Variants in ADGRB1 observed in about 807,000 individuals in gnomAD.
The protein encoded by ADGRB1 is adhesion G protein-coupled receptor B1, also known as brain-specific angiogenesis inhibitor 1.
ADGRB1 carries 36 observed loss-of-function variants against 175.7 expected under a neutral mutation model. The ratio of observed to expected loss-of-function variants is 0.20; its 90% CI spans 0.16 to 0.27. The LOEUF is 0.27. Ranked by LOEUF, ADGRB1 falls within the 10% of genes least tolerant of loss-of-function variation. The pLI, the probability that ADGRB1 is intolerant of heterozygous loss-of-function variation, is 1.00. For missense variants in ADGRB1, 1,731 were observed against 2,255.3 expected (o/e 0.77, Z 4.71); for synonymous variants, 1,054 against 979.4 (o/e 1.08, Z -1.42).
At chr8:142,459,458 G>A (rs997201105) in intron 1 of ADGRB1, among the ~76,000 whole-genome samples, 1 of 152,166 alleles carries the variant, frequency 6.6e-6, no homozygotes, top group Non-Finnish European at 1.5e-5. Flanking sequence ...TGTTGGCTCA[G>A]GCCTGGACCC....
intron 24 of ADGRB1, among the ~76,000 whole-genome samples, chr8:142,531,404 G>A (rs1395559747): frequency 1.3e-5 from 2 of 152,208 alleles, no homozygotes; most frequent in Non-Finnish European, 2.9e-5. Flanking sequence ...GGAGCAGCAC[G>A]GTCATGGGCA....
chr8:142,512,314 A>C (rs561504374), intron 18 of ADGRB1, among the ~76,000 whole-genome samples: 1 of 152,328 alleles, frequency 6.6e-6, no homozygotes, highest in African/African-American at 2.4e-5. Flanking sequence ...GGCAGGCAGC[A>C]GTCTGAAGGG....
Position 142,475,636 on chromosome 8 carries a change from G to C in ADGRB1, c.946+1G>C, listed in dbSNP as rs965684323. 4.9e-6 allele frequency: 6 copies of C among 1,229,056 alleles called. No individual in the cohort carries two copies. Among genetic ancestry groups the C allele is most frequent in the Non-Finnish European group, 6.1e-6 (6 of 986,070 alleles). The allele number at this position is 1,229,056 out of a possible 1,614,324, so 76.1% of individuals were successfully genotyped here. On this transcript the variant is annotated splice_donor_variant, in intron 3 of 30. Transcript: ENST00000517894. LOFTEE classifies it high-confidence loss of function. Reference sequence around the variant, plus strand: ...CAGTGCAACCGCGAGGCCTGCGGCCGTGAGTGCGGGCGGGGCGGGGCGGAG... The same window carrying C: ...CAGTGCAACCGCGAGGCCTGCGGCCCTGAGTGCGGGCGGGGCGGGGCGGAG...
chr8:142,504,232 T>C lies in ADGRB1; in HGVS notation c.2676-6700T>C, dbSNP rs1017337462. Among the ~76,000 whole-genome samples the C allele has an allele frequency of 2.0e-5, 3 of 151,804 alleles. No individual in the cohort carries two copies. Among genetic ancestry groups the C allele is most frequent in the Non-Finnish European group, 4.4e-5 (3 of 67,916 alleles). ...CTGGCAGCCAGACAGGGGCTGGGCA[T>C]GGAGTGGGAGTCAAGGAGGCTTCTT... On this transcript the variant is annotated intron_variant, in intron 17 of 30. Coordinates refer to ENST00000517894, the MANE Select transcript of ADGRB1 (RefSeq NM_001702.3). The surrounding 1 kb of genome is among the most constrained non-coding windows in gnomAD (Gnocchi z 5.6).
At chr8:142,544,108 C>CTGT in intron 30 of ADGRB1, 112 bp from the exon 31 acceptor site, 1 of 1,181,330 alleles carries the variant, frequency 8.5e-7, no homozygotes, top group African/African-American at 1.5e-5. Context: ...CCCCTGTCCC[C>CTGT]CACCTCCCGT....
rs774861032 is a variant in ADGRB1, at chr8:142,489,447, C to T, written c.2631+9C>T. 7 of 1,610,310 alleles carry T rather than the reference C, an allele frequency of 4.3e-6. No homozygotes were observed. Among genetic ancestry groups the T allele is most frequent in the East Asian group, 4.5e-5 (2 of 44,866 alleles). ...TTGCCCACATGTATAATGTGAGTGC[C>T]GTCCACGTGCACACTCTGATGCCAG... On this transcript the variant is annotated intron_variant, in intron 16 of 30. Coordinates refer to ENST00000517894, the MANE Select transcript of ADGRB1 (RefSeq NM_001702.3).
chr8:142,512,429 G>T (rs1231112539), intron 18 of ADGRB1, among the ~76,000 whole-genome samples: 1 of 152,202 alleles, frequency 6.6e-6, no homozygotes, highest in African/African-American at 2.4e-5. Flanking sequence ...GCTGGACCAG[G>T]CAAGGCAGGG....
chr8:142,479,306 C>A lies in ADGRB1; in HGVS notation c.1562-17C>A. The A allele has an allele frequency of 6.8e-7, 1 of 1,476,178 alleles. No homozygotes were observed. Among genetic ancestry groups the A allele is most frequent in the South Asian group, 1.4e-5 (1 of 69,644 alleles). The allele number at this position is 1,476,178 out of a possible 1,614,324, so 91.4% of individuals were successfully genotyped here. ...CCTTCTTGTCGCCTGTGCCCTGTGTCTGGCCACGCCCCGCAGTGGATGGCA... is the reference window on the plus strand; with the variant it reads ...CCTTCTTGTCGCCTGTGCCCTGTGTATGGCCACGCCCCGCAGTGGATGGCA... On this transcript the variant is annotated splice_polypyrimidine_tract_variant and intron_variant, in intron 7 of 30. Coordinates refer to ENST00000517894, the MANE Select transcript of ADGRB1 (RefSeq NM_001702.3).
At position 142,526,522 on chromosome 8, in the gene ADGRB1, C is replaced by CCCCCCCCA; in HGVS notation, c.3313-20_3313-19insCCCCCCCA. On this transcript the variant is annotated intron_variant, in intron 23 of 30. Coordinates refer to ENST00000517894, the MANE Select transcript of ADGRB1 (RefSeq NM_001702.3). ...ACGGCGGCCCCCACCCCCACACCCC[C>CCCCCCCCA]ACCACTCTCTGCCCGGCAGGTGAAC... 1.3e-6 allele frequency: 2 copies of CCCCCCCCA among 1,543,516 alleles called. No individual in the cohort carries two copies. The highest frequency in any genetic ancestry group is 8.8e-7 in the Non-Finnish European group (1 of 1,133,008).
Position 142,524,158 on chromosome 8 carries a change from C to T in ADGRB1, c.3246-80C>T, listed in dbSNP as rs1016993566. 5 of 1,471,460 alleles carry T rather than the reference C, an allele frequency of 3.4e-6. No homozygotes were observed. In the African/African-American group the frequency reaches 5.6e-5, roughly 16 times the overall value. 91.2% of individuals were successfully genotyped at this position (1,471,460 alleles called of 1,614,324 possible). On this transcript the variant is annotated intron_variant, in intron 22 of 30. Coordinates refer to ENST00000517894, the MANE Select transcript of ADGRB1 (RefSeq NM_001702.3). Reference sequence around the variant, plus strand: ...TTCTTCTGCCACTTCCCAGCTCACCCCTACTCCTGAGAGGCCGGCAGCACC... The same window carrying T: ...TTCTTCTGCCACTTCCCAGCTCACCTCTACTCCTGAGAGGCCGGCAGCACC...
At chr8:142,488,999 A>G in intron 14 of ADGRB1, 36 bp from the exon 15 acceptor site, 1 of 1,601,426 alleles carries the variant, frequency 6.2e-7, no homozygotes. Flanking sequence ...GGCTGTGGGG[A>G]TGGCGGGCCG....
At chr8:142,528,948 G>T (rs1365481328) in intron 24 of ADGRB1, among the ~76,000 whole-genome samples, 3 of 152,286 alleles carry the variant, frequency 2.0e-5, no homozygotes, top group Admixed American at 6.5e-5. Context: ...GGTCAGTCCT[G>T]TCCCTCTGGG....
At chr8:142,509,726 C>T (rs370596759) in intron 17 of ADGRB1, among the ~76,000 whole-genome samples, 3 of 152,232 alleles carry the variant, frequency 2.0e-5, no homozygotes, top group Admixed American at 1.3e-4. Flanking sequence ...GGCTGTGTCC[C>T]GGCTACTTAG....
rs190054642 is a variant in ADGRB1, at chr8:142,529,915, C to T, written c.3398+3288C>T. 6.1e-4 allele frequency among the ~76,000 whole-genome samples: 87 copies of T among 143,694 alleles called. 1 individual carries two copies. Among genetic ancestry groups the T allele is most frequent in the Non-Finnish European group, 9.9e-4 (66 of 66,632 alleles). 94.3% of individuals were successfully genotyped at this position (143,694 alleles called of 152,430 possible). On this transcript the variant is annotated intron_variant, in intron 24 of 30. Transcript: ENST00000517894. ...GCATCTGTGTGGATGTGTGAGCATGCATCTGTGTGTGTACCTGTGAGCGTG... is the reference window on the plus strand; with the variant it reads ...GCATCTGTGTGGATGTGTGAGCATGTATCTGTGTGTGTACCTGTGAGCGTG...
chr8:142,458,599 G>A (rs1839804686), intron 1 of ADGRB1, among the ~76,000 whole-genome samples: 1 of 152,046 alleles, frequency 6.6e-6, no homozygotes, highest in Non-Finnish European at 1.5e-5. Context: ...CACCTCTCTG[G>A]GTCCCCTGTC....
rs2132132403 is a variant in ADGRB1, at chr8:142,521,958, C to T, written c.3025-7C>T. ...GCCCAGCCTGCCCCGCCCTGGGCCC[C>T]ACACAGGTGGTGTGCACGCTGGTGG... On this transcript the variant is annotated splice_region_variant and splice_polypyrimidine_tract_variant and intron_variant, in intron 20 of 30. Transcript: ENST00000517894. 1 of 1,584,554 alleles carries T rather than the reference C, an allele frequency of 6.3e-7. No individual in the cohort carries two copies.
intron 1 of ADGRB1, among the ~76,000 whole-genome samples, chr8:142,456,578 ACACGCACACATATGTGCAG>A (rs1480533427): frequency 6.6e-6 from 1 of 152,206 alleles, no homozygotes; most frequent in Non-Finnish European, 1.5e-5. Flanking sequence ...CCACACGCAC[ACACGCACACATATGTGCAG>A]CACACACGGC....
chr8:142,475,240 TG>T (rs1433862195), intron 2 of ADGRB1, among the ~76,000 whole-genome samples: 5 of 152,154 alleles, frequency 3.3e-5, no homozygotes, highest in African/African-American at 1.2e-4. Context: ...ACCTGCCCAG[TG>T]GCGGCTGGCA....
chr8:142,495,509 C>T (rs1432129402), intron 17 of ADGRB1, among the ~76,000 whole-genome samples: 1 of 152,142 alleles, frequency 6.6e-6, no homozygotes, highest in East Asian at 1.9e-4. Context: ...TTCTGGAGGC[C>T]AGAATCTTGA....
Sources: gnomAD v4.1 joint callset for allele counts (sites outside exome capture counted in the v4.1 genomes callset) on GRCh38, gnomAD v4.1.1 for gene constraint, Gnocchi (gnomAD v3.1) non-coding constraint, MANE v1.5 for transcripts, NCBI Gene and HGNC (gene_info 2026-07-23, HGNC 2026-07-21) for gene names.